Variants in ARID4B observed in about 807,000 individuals in gnomAD.
ARID4B encodes AT-rich interaction domain 4B, also known as AT-rich interactive domain-containing protein 4B.
A neutral mutation model predicts 147.5 loss-of-function variants in ARID4B; 26 were observed. The observed-to-expected ratio is 0.18, with a 90% CI of 0.13 to 0.24. The LOEUF is 0.24. Among genes scored for constraint, ARID4B ranks in the 10% least tolerant of loss-of-function variants. The pLI is 1.00. For missense variants in ARID4B, 1,179 were observed against 1,511.5 expected (o/e 0.78, Z 3.65); for synonymous variants, 512 against 507.9 (o/e 1.01, Z -0.11).
At chr1:235,210,273 C>T (rs186758578) in intron 17 of ARID4B, among the ~76,000 whole-genome samples, 1 of 151,830 alleles carries the variant, frequency 6.6e-6, no homozygotes, top group Non-Finnish European at 1.5e-5. Context: ...ATTAAAAAAA[C>T]CATGGAAATA....
rs1345236731 is a variant in ARID4B, at chr1:235,297,027, CATT to C, written c.6+29884_6+29886del. ...TTCTTTTTATATATATATTTGATGT[CATT>C]AATGTCTCAGCAACCAGGGTTCCTT... On this transcript the variant is annotated intron_variant, in intron 2 of 23. Coordinates refer to ENST00000264183, the MANE Select transcript of ARID4B (RefSeq NM_016374.6). Among the ~76,000 whole-genome samples, 6 of 152,074 alleles carry C rather than the reference CATT, an allele frequency of 3.9e-5. No individual in the cohort carries two copies. The South Asian group carries it at 8.3e-4, about 21-fold the overall frequency.
intron 2 of ARID4B, among the ~76,000 whole-genome samples, chr1:235,276,923 C>A (rs749764440): frequency 6.6e-6 from 1 of 150,956 alleles, no homozygotes; most frequent in Admixed American, 6.6e-5. Flanking sequence ...TCGCTTGAAC[C>A]CGGGAGGTGG....
chr1:235,231,443 CCA>C (rs1260883582), intron 9 of ARID4B, among the ~76,000 whole-genome samples: 2 of 152,158 alleles, frequency 1.3e-5, no homozygotes, highest in Admixed American at 6.5e-5. Flanking sequence ...TTCCCAAATA[CCA>C]GAGTCCCCTG....
intron 2 of ARID4B, among the ~76,000 whole-genome samples, chr1:235,299,903 G>A (rs1673003146): frequency 6.6e-6 from 1 of 152,156 alleles, no homozygotes; most frequent in South Asian, 2.1e-4. Context: ...AAAGAGTGTA[G>A]CTTCCTGGGT....
chr1:235,308,724 G>C (rs999708524), intron 2 of ARID4B, among the ~76,000 whole-genome samples: 4 of 152,204 alleles, frequency 2.6e-5, no homozygotes, highest in Admixed American at 6.5e-5. Flanking sequence ...TGATCCGCCA[G>C]CCTCAGCCTC....
At chr1:235,192,833 C>T (rs1448953560) in intron 19 of ARID4B, among the ~76,000 whole-genome samples, 1 of 152,134 alleles carries the variant, frequency 6.6e-6, no homozygotes, top group Non-Finnish European at 1.5e-5. Context: ...AGGCCAGGCG[C>T]GGTGGCTCAC....
chr1:235,205,987 G>C (rs1323101775), intron 17 of ARID4B, among the ~76,000 whole-genome samples: 1 of 152,158 alleles, frequency 6.6e-6, no homozygotes, highest in Non-Finnish European at 1.5e-5. Flanking sequence ...ATATATAAAT[G>C]AGGTGAGAAG....
chr1:235,237,772 C>T (rs1668701832), intron 8 of ARID4B, among the ~76,000 whole-genome samples: 1 of 152,192 alleles, frequency 6.6e-6, no homozygotes, highest in Non-Finnish European at 1.5e-5. Flanking sequence ...TTCTAAGTCT[C>T]TGCAATTGTT....
intron 2 of ARID4B, among the ~76,000 whole-genome samples, chr1:235,324,700 G>A (rs1222629359): frequency 6.6e-6 from 1 of 152,198 alleles, no homozygotes; most frequent in Non-Finnish European, 1.5e-5. Context: ...ACTTTGGGAG[G>A]CTAAGGCGGG....
At chr1:235,267,342 C>A (rs568339703) in intron 2 of ARID4B, among the ~76,000 whole-genome samples, 1 of 152,114 alleles carries the variant, frequency 6.6e-6, no homozygotes, top group East Asian at 1.9e-4. Flanking sequence ...AACCACGTGA[C>A]AATAAATCTA....
chr1:235,294,955 A>G (rs1672589909), intron 2 of ARID4B, among the ~76,000 whole-genome samples: 1 of 151,574 alleles, frequency 6.6e-6, no homozygotes. Flanking sequence ...TGACATAAAT[A>G]CACAGAGAAT....
chr1:235,285,267 A>C (rs7544187), intron 2 of ARID4B, among the ~76,000 whole-genome samples: 20,045 of 152,206 alleles, frequency 0.13, 1,537 homozygotes, highest in African/African-American at 0.2. Context: ...AAGGTAATAT[A>C]TCATGACCAA....
At chr1:235,184,991 A>G (rs1360039998) in intron 19 of ARID4B, among the ~76,000 whole-genome samples, 1 of 151,974 alleles carries the variant, frequency 6.6e-6, no homozygotes, top group Non-Finnish European at 1.5e-5. Flanking sequence ...TAATTTTTGT[A>G]TTTTTAGTAG....
At chr1:235,175,158 G>T (rs1663771634) in intron 22 of ARID4B, 26 bp downstream of exon 22, 2 of 1,575,606 alleles carry the variant, frequency 1.3e-6, no homozygotes, top group African/African-American at 1.4e-5. Context: ...AAGTTTGTAT[G>T]CTTGTCAATT....
At chr1:235,318,882 A>G (rs1674626623) in intron 2 of ARID4B, among the ~76,000 whole-genome samples, 1 of 151,852 alleles carries the variant, frequency 6.6e-6, no homozygotes. Context: ...ACTCTTCTCA[A>G]AAAAAAAATT....
At chr1:235,313,659 T>C (rs952836686) in intron 2 of ARID4B, among the ~76,000 whole-genome samples, 3 of 152,180 alleles carry the variant, frequency 2.0e-5, no homozygotes, top group African/African-American at 7.2e-5. Context: ...ACCTAATCCA[T>C]AAATAACCCT....
Position 235,173,826 on chromosome 1 carries a change from CAT to C in ARID4B, c.3665-1064_3665-1063del, listed in dbSNP as rs59203627. On this transcript the variant is annotated intron_variant, in intron 22 of 23. Coordinates refer to ENST00000264183, the MANE Select transcript of ARID4B (RefSeq NM_016374.6). ...TATATATATATATGTATACCTAAAA[CAT>C]ATATATATATACCTTTTTTTAAATG... Among the ~76,000 whole-genome samples the C allele has an allele frequency of 2.0e-4, 16 of 81,186 alleles. 1 individual carries two copies. The highest frequency in any genetic ancestry group is 4.7e-4 in the African/African-American group (10 of 21,224). The allele number at this position is 81,186 out of a possible 152,430, so 53.3% of individuals were successfully genotyped here.
intron 2 of ARID4B, among the ~76,000 whole-genome samples, chr1:235,319,287 T>C (rs1036396335): frequency 1.3e-5 from 2 of 152,194 alleles, no homozygotes; most frequent in African/African-American, 4.8e-5. Context: ...TAGGCCAAGA[T>C]GGGAGGATCA....
chr1:235,249,677 C>T (rs1669519071), intron 6 of ARID4B, among the ~76,000 whole-genome samples: 1 of 151,782 alleles, frequency 6.6e-6, no homozygotes, highest in Non-Finnish European at 1.5e-5. Flanking sequence ...CACGGTGGCT[C>T]ACACCTGTAA....
Sources: allele counts gnomAD v4.1 joint callset (sites outside exome capture counted in the v4.1 genomes callset), GRCh38; gene constraint gnomAD v4.1.1; transcripts MANE v1.5; gene names NCBI Gene and HGNC (gene_info 2026-07-23, HGNC 2026-07-21).